The following MACROD2 variants were observed in gnomAD, a reference collection of about 807,000 sequenced individuals.
MACROD2 encodes the protein ADP-ribose glycohydrolase MACROD2.
In MACROD2, 36 loss-of-function variants were observed where a neutral mutation model predicts 70.4. The observed-to-expected ratio is 0.51, with a 90% CI of 0.39 to 0.68. The LOEUF (loss-of-function observed/expected upper bound fraction) is 0.68. Among genes scored for constraint, MACROD2 ranks in the 30% least tolerant of loss-of-function variants. The pLI, the probability that MACROD2 is intolerant of heterozygous loss-of-function variation, is 0.00. For synonymous variants in MACROD2, 172 were observed against 178.8 expected (o/e 0.96, Z 0.30); for missense variants, 496 against 538.4 (o/e 0.92, Z 0.78).
chr20:15,507,319 C>T (rs2047438052), intron 8 of MACROD2, among the ~76,000 whole-genome samples: 1 of 151,434 alleles, frequency 6.6e-6, no homozygotes, highest in African/African-American at 2.4e-5. Flanking sequence ...TTCCTCCCTC[C>T]CTTCCTGCTT....
chr20:14,936,119 G>A (rs2074338435), intron 5 of MACROD2, among the ~76,000 whole-genome samples: 1 of 152,076 alleles, frequency 6.6e-6, no homozygotes, highest in African/African-American at 2.4e-5. Flanking sequence ...CAAAAAAAAT[G>A]TTAATATGAG....
chr20:14,028,843 T>C (rs2053213472), intron 2 of MACROD2, among the ~76,000 whole-genome samples: 1 of 152,210 alleles, frequency 6.6e-6, no homozygotes, highest in Non-Finnish European at 1.5e-5. Flanking sequence ...GAGCTGTTCC[T>C]ATTCGGCTGT....
intron 6 of MACROD2, among the ~76,000 whole-genome samples, chr20:15,265,980 T>G (rs569059491): frequency 7.2e-4 from 109 of 152,346 alleles, no homozygotes; most frequent in Non-Finnish European, 9.4e-4. Flanking sequence ...TTCAAAGGCT[T>G]TGTTAGAAAA....
intron 13 of MACROD2, among the ~76,000 whole-genome samples, chr20:15,984,082 T>G (rs573458154): frequency 2.0e-4 from 30 of 151,996 alleles, no homozygotes; most frequent in Non-Finnish European, 4.0e-4. Context: ...TATCTAATTT[T>G]TTATGTTTGA....
Position 15,729,831 on chromosome 20 carries a change from CTT to C in MACROD2, c.646-132900_646-132899del, listed in dbSNP as rs61542762. On this transcript the variant is annotated intron_variant, in intron 8 of 17. Transcript: ENST00000684519. ...GAACACAGCATGCAGTTGGGTCATG[CTT>C]TTTTTTTTTTTTTGGATGGAGTTTC... is the stretch of plus-strand genomic sequence containing the variant. Among the ~76,000 whole-genome samples, 28 of 64,782 alleles carry C rather than the reference CTT, an allele frequency of 4.3e-4. 2 individuals are homozygous for C. The highest frequency in any genetic ancestry group is 1.2e-3 in the African/African-American group (20 of 16,012). The allele number at this position is 64,782 out of a possible 152,430, so 42.5% of individuals were successfully genotyped here.
intron 5 of MACROD2, among the ~76,000 whole-genome samples, chr20:15,164,506 T>C (rs1196458621): frequency 6.6e-6 from 1 of 152,142 alleles, no homozygotes; most frequent in Non-Finnish European, 1.5e-5. Flanking sequence ...TCAGTACATA[T>C]TAAAATCCTT....
At chr20:15,760,984 A>G (rs1371429394) in intron 8 of MACROD2, among the ~76,000 whole-genome samples, 5 of 152,230 alleles carry the variant, frequency 3.3e-5, no homozygotes, top group Non-Finnish European at 7.3e-5. Context: ...TGAAACTATC[A>G]AGAGTCCATA....
intron 3 of MACROD2, among the ~76,000 whole-genome samples, chr20:14,243,487 A>G (rs1007581705): frequency 2.0e-5 from 3 of 152,152 alleles, no homozygotes; most frequent in Non-Finnish European, 4.4e-5. Flanking sequence ...TTCCATATAT[A>G]TAATTATTTC....
At chr20:15,848,794 A>G (rs1568596135) in intron 8 of MACROD2, among the ~76,000 whole-genome samples, 1 of 152,034 alleles carries the variant, frequency 6.6e-6, no homozygotes, top group Non-Finnish European at 1.5e-5. Context: ...TAAGTCAGTT[A>G]GTAGTCATAA....
intron 6 of MACROD2, among the ~76,000 whole-genome samples, chr20:15,399,383 A>G (rs73901021): frequency 6.6e-6 from 1 of 152,132 alleles, no homozygotes; most frequent in Non-Finnish European, 1.5e-5. Context: ...TATGTTGCTT[A>G]CACTCCTGTG....
intron 8 of MACROD2, among the ~76,000 whole-genome samples, chr20:15,616,157 G>A (rs1179209189): frequency 7.0e-6 from 1 of 143,424 alleles, no homozygotes; most frequent in African/African-American, 2.6e-5. Context: ...GGCCTGGAGT[G>A]CAGTGGTGTG....
intron 8 of MACROD2, among the ~76,000 whole-genome samples, chr20:15,714,841 C>A (rs926516716): frequency 1.2e-4 from 18 of 152,062 alleles, no homozygotes; most frequent in African/African-American, 4.3e-4. Context: ...TATATGTGAT[C>A]TATATATGTA....
At chr20:15,632,209 T>C (rs1743232247) in intron 8 of MACROD2, among the ~76,000 whole-genome samples, 1 of 150,772 alleles carries the variant, frequency 6.6e-6, no homozygotes, top group South Asian at 2.1e-4. Flanking sequence ...AGAATAAAAA[T>C]AAAATAAATA....
chr20:15,506,069 G>T (rs929318638), intron 8 of MACROD2, among the ~76,000 whole-genome samples: 1 of 152,246 alleles, frequency 6.6e-6, no homozygotes, highest in Non-Finnish European at 1.5e-5. Flanking sequence ...TGGCAGCATC[G>T]CTCTGAGACA....
chr20:14,079,779 T>C (rs1218427482), intron 2 of MACROD2, among the ~76,000 whole-genome samples: 2 of 152,252 alleles, frequency 1.3e-5, no homozygotes, highest in Non-Finnish European at 2.9e-5. Context: ...AAAGACTTTA[T>C]GGAGTCAATG....
intron 3 of MACROD2, among the ~76,000 whole-genome samples, chr20:14,275,836 T>C (rs2082249289): frequency 6.6e-6 from 1 of 152,086 alleles, no homozygotes; most frequent in Non-Finnish European, 1.5e-5. Flanking sequence ...CAGACACTTC[T>C]CAAAAGAAGA....
intron 5 of MACROD2, among the ~76,000 whole-genome samples, chr20:14,970,443 T>C (rs2074680258): frequency 6.6e-6 from 1 of 152,190 alleles, no homozygotes; most frequent in Non-Finnish European, 1.5e-5. Flanking sequence ...GAAATTTCCT[T>C]AAGAGGCTTT....
chr20:14,710,693 G>C (rs1405465761), intron 5 of MACROD2, among the ~76,000 whole-genome samples: 2 of 152,056 alleles, frequency 1.3e-5, no homozygotes, highest in Non-Finnish European at 2.9e-5. Context: ...GTGTTCTGTT[G>C]TTTTCCTCAT....
chr20:14,311,796 G>A (rs1429481979), intron 3 of MACROD2, among the ~76,000 whole-genome samples: 1 of 152,140 alleles, frequency 6.6e-6, no homozygotes, highest in Non-Finnish European at 1.5e-5. Flanking sequence ...GGGATTACAG[G>A]CGTGAGCCAC....
Sources: allele counts gnomAD v4.1 joint callset (sites outside exome capture counted in the v4.1 genomes callset), GRCh38; gene constraint gnomAD v4.1.1; transcripts MANE v1.5; gene names NCBI Gene and HGNC (gene_info 2026-07-23, HGNC 2026-07-21).